The following ASAP1 variants were observed in gnomAD, a reference collection of about 807,000 sequenced individuals.
ASAP1 encodes the protein ArfGAP with SH3 domain, ankyrin repeat and PH domain 1.
Under a neutral mutation model 145.2 loss-of-function variants are expected in ASAP1, and 43 were observed. The observed-to-expected ratio is 0.30, with a 90% CI of 0.23 to 0.38. ASAP1 has a LOEUF of 0.38. Among genes scored for constraint, ASAP1 ranks in the 10% least tolerant of loss-of-function variants. ASAP1 has a pLI of 1.00. For synonymous variants in ASAP1, 546 were observed against 515.5 expected, an observed-to-expected ratio of 1.06 and a Z score of -0.80; for missense variants, 1,018 against 1,355.3, an observed-to-expected ratio of 0.75 and a Z score of 3.91.
At chr8:130,352,119 A>C (rs1214379107) in intron 3 of ASAP1, among the ~76,000 whole-genome samples, 1 of 151,740 alleles carries the variant, frequency 6.6e-6, no homozygotes, top group African/African-American at 2.4e-5. Context: ...CTTTTGTTGT[A>C]TTATCTTCAA....
intron 3 of ASAP1, among the ~76,000 whole-genome samples, chr8:130,272,498 G>A (rs1820646981): frequency 6.6e-6 from 1 of 152,056 alleles, no homozygotes; most frequent in Non-Finnish European, 1.5e-5. Context: ...CCCACTACTG[G>A]GTATTTCTCC....
At chr8:130,124,205 C>T (rs572592577) in intron 17 of ASAP1, 101 bp from the exon 18 acceptor site, 2 of 852,448 alleles carry the variant, frequency 2.3e-6, no homozygotes. Flanking sequence ...ATGTATTTTC[C>T]CTCATTTGAC....
chr8:130,072,830 C>CGTGCGCGCGCGCGCGCGCACGCGCGCG (rs1448184178), intron 27 of ASAP1, among the ~76,000 whole-genome samples: 1 of 31,922 alleles, frequency 3.1e-5, no homozygotes, highest in African/African-American at 2.0e-4. Flanking sequence ...TGTGTGCGCG[C>CGTGCGCGCGCGCGCGCGCACGCGCGCG]GGGGGGGGGC....
chr8:130,228,825 T>C (rs889226001), intron 4 of ASAP1, among the ~76,000 whole-genome samples: 2 of 152,160 alleles, frequency 1.3e-5, no homozygotes, highest in Non-Finnish European at 2.9e-5. Flanking sequence ...TTTTTTTTCT[T>C]TTAGCTCATC....
intron 4 of ASAP1, among the ~76,000 whole-genome samples, chr8:130,226,138 A>G (rs1385570349): frequency 6.6e-6 from 1 of 151,668 alleles, no homozygotes; most frequent in African/African-American, 2.4e-5. Flanking sequence ...TCAGCCTCCC[A>G]AAGTGCTGTG....
intron 2 of ASAP1, among the ~76,000 whole-genome samples, chr8:130,367,792 G>T (rs181779893): frequency 6.6e-6 from 1 of 152,314 alleles, no homozygotes; most frequent in Non-Finnish European, 1.5e-5. Flanking sequence ...CCCCGTTAAA[G>T]ATACCCTATA....
chr8:130,133,410 A>C (rs1306880772), intron 15 of ASAP1, among the ~76,000 whole-genome samples: 1 of 151,434 alleles, frequency 6.6e-6, no homozygotes, highest in Non-Finnish European at 1.5e-5. Flanking sequence ...TAATCCCAGC[A>C]CTTTGGGAGG....
At chr8:130,392,066 T>C (rs1436234655) in intron 2 of ASAP1, among the ~76,000 whole-genome samples, 2 of 152,238 alleles carry the variant, frequency 1.3e-5, no homozygotes, top group Non-Finnish European at 2.9e-5. Context: ...CATCTTCTCA[T>C]CTGGTTTGCA....
At chr8:130,153,288 G>A (rs1004098712) in intron 12 of ASAP1, among the ~76,000 whole-genome samples, 10 of 146,182 alleles carry the variant, frequency 6.8e-5, no homozygotes, top group African/African-American at 2.6e-4. Flanking sequence ...AAAGTGCTGA[G>A]ATTACAGGTG....
intron 3 of ASAP1, among the ~76,000 whole-genome samples, chr8:130,320,222 T>C (rs973781240): frequency 6.6e-6 from 1 of 152,218 alleles, no homozygotes; most frequent in Non-Finnish European, 1.5e-5. Context: ...GGAATATCAA[T>C]GAGCATATAT....
intron 11 of ASAP1, among the ~76,000 whole-genome samples, chr8:130,165,399 C>T (rs549426040): frequency 1.6e-4 from 24 of 152,262 alleles, no homozygotes; most frequent in African/African-American, 5.5e-4. Context: ...AATCTACCAC[C>T]CCGTACTCCC....
intron 1 of ASAP1, among the ~76,000 whole-genome samples, chr8:130,425,331 C>T (rs1241596127): frequency 1.3e-5 from 2 of 151,784 alleles, no homozygotes; most frequent in East Asian, 3.9e-4. Flanking sequence ...GACTCCATCT[C>T]AAAATATATA....
chr8:130,156,049 G>A (rs943621461), intron 12 of ASAP1, among the ~76,000 whole-genome samples: 6 of 152,046 alleles, frequency 3.9e-5, no homozygotes, highest in Admixed American at 3.3e-4. Flanking sequence ...GCCCACTTTC[G>A]TACATATAAT....
At chr8:130,409,486 C>G (rs977851924) in intron 1 of ASAP1, among the ~76,000 whole-genome samples, 1 of 152,138 alleles carries the variant, frequency 6.6e-6, no homozygotes, top group Non-Finnish European at 1.5e-5. Context: ...TTTTCCTAAT[C>G]CCTCTTCTCC....
chr8:130,421,615 C>G (rs537721723), intron 1 of ASAP1, among the ~76,000 whole-genome samples: 1 of 152,312 alleles, frequency 6.6e-6, no homozygotes, highest in African/African-American at 2.4e-5. Flanking sequence ...CAACAAAGCT[C>G]CAGGGGGCAG....
At chr8:130,427,556 G>T (rs1437160479) in intron 1 of ASAP1, among the ~76,000 whole-genome samples, 1 of 152,156 alleles carries the variant, frequency 6.6e-6, no homozygotes, top group African/African-American at 2.4e-5. Flanking sequence ...TCTGCAGGGG[G>T]TATTGGCAGC....
chr8:130,318,443 A>G (rs1327020711), intron 3 of ASAP1, among the ~76,000 whole-genome samples: 1 of 152,252 alleles, frequency 6.6e-6, no homozygotes, highest in East Asian at 1.9e-4. Flanking sequence ...TACAAGGAGG[A>G]GAACTACTAT....
At chr8:130,196,967 C>T (rs1415182901) in intron 5 of ASAP1, among the ~76,000 whole-genome samples, 2 of 152,218 alleles carry the variant, frequency 1.3e-5, no homozygotes, top group Non-Finnish European at 2.9e-5. Flanking sequence ...ACTGATGCCT[C>T]GTCATTAGGC....
At chr8:130,059,261 T>G (rs2097412135) in intron 28 of ASAP1, among the ~76,000 whole-genome samples, 1 of 151,858 alleles carries the variant, frequency 6.6e-6, no homozygotes, top group African/African-American at 2.4e-5. Flanking sequence ...TCTCCAGGGC[T>G]CAAGCAATCT....
Sources: allele counts gnomAD v4.1 joint callset (sites outside exome capture counted in the v4.1 genomes callset), GRCh38; gene constraint gnomAD v4.1.1; transcripts MANE v1.5; gene names NCBI Gene and HGNC (gene_info 2026-07-23, HGNC 2026-07-21).